The following SNPH variants were observed in gnomAD, a reference collection of about 807,000 sequenced individuals.
SNPH encodes the protein syntaphilin.
A neutral mutation model predicts 36.8 loss-of-function variants in SNPH; 10 were observed. The ratio of observed to expected loss-of-function variants is 0.27; its 90% confidence interval spans 0.17 to 0.46. The LOEUF is 0.46. Among genes scored for constraint, SNPH ranks in the 20% least tolerant of loss-of-function variants. The pLI is 1.00. For synonymous variants in SNPH, 281 were observed against 312.2 expected (o/e 0.90, Z 1.05); for missense variants, 622 against 744.0 (o/e 0.84, Z 1.91).
chr20:1,298,608 G>A (rs549249674), intron 5 of SNPH, among the ~76,000 whole-genome samples: 1 of 152,090 alleles, frequency 6.6e-6, no homozygotes, highest in East Asian at 1.9e-4. Context: ...AACACACCTC[G>A]TAACTGCAGC....
In SNPH at chr20:1,307,870, C is replaced by T. The variant is rs1010867489; in HGVS notation, c.*1816C>T. On this transcript the variant is annotated 3_prime_UTR_variant, in exon 7 of 7. Transcript: ENST00000381867. ...CCTGAGGCCTGGCTGGGGCTGCCCC[C>T]GCAGGACACTGTGGCCATGCCACGG... is the stretch of plus-strand genomic sequence containing the variant. 3.3e-5 allele frequency: 5 copies of T among 152,496 alleles called. No individual in the cohort carries two copies. The highest frequency in any genetic ancestry group is 6.5e-5 in the Admixed American group (1 of 15,284). The allele number at this position is 152,496 out of a possible 1,614,324, so 9.4% of individuals were successfully genotyped here.
chr20:1,277,590 G>A (rs1016888368), intron 2 of SNPH, among the ~76,000 whole-genome samples: 3 of 139,926 alleles, frequency 2.1e-5, no homozygotes, highest in Non-Finnish European at 3.1e-5. Flanking sequence ...GTGTGTGTCA[G>A]TGTCTGTCTC....
chr20:1,305,781 GGAA>G lies in SNPH; in HGVS notation c.1347_1349del (p.Glu453del), dbSNP rs2088567778. On this transcript the variant is annotated inframe_deletion, in exon 7 of 7. Transcript: ENST00000381867. ...AGTCGGTGAGCGTGGTGTGCCCCATGGAAGAGGAGGAGGAGGCTGCCGTGGCTG... is the reference window on the plus strand; with the variant it reads ...AGTCGGTGAGCGTGGTGTGCCCCATGGAGGAGGAGGAGGCTGCCGTGGCTG... 6.2e-7 allele frequency: 1 copy of G among 1,607,684 alleles called. No individual in the cohort carries two copies. The highest frequency in any genetic ancestry group is 1.3e-5 in the African/African-American group (1 of 74,844).
At chr20:1,283,741 G>C (rs879698699) in intron 2 of SNPH, among the ~76,000 whole-genome samples, 9 of 152,322 alleles carry the variant, frequency 5.9e-5, no homozygotes, top group Admixed American at 5.9e-4. Flanking sequence ...GGCACCTTCT[G>C]ATACCTGGAC....
chr20:1,266,551 T>C lies in SNPH; in HGVS notation c.-599-103T>C, dbSNP rs1190597085. The stretch of plus-strand genomic sequence containing the variant: ...CAGGCAGCCTGCCCTCCAAGCCTTC[T>C]GGCTGCAGCGGCCCAGCTGTCAGCG... On this transcript the variant is annotated intron_variant, in intron 1 of 6. Transcript: ENST00000381867. This position sits in a 1 kb window ranked among gnomAD's most constrained non-coding sequence, Gnocchi z 6.0. 7.3e-7 allele frequency: 1 copy of C among 1,372,626 alleles called. No homozygotes were observed. The highest frequency in any genetic ancestry group is 1.5e-5 in the African/African-American group (1 of 64,954). The allele number at this position is 1,372,626 out of a possible 1,614,324, so 85.0% of individuals were successfully genotyped here.
intron 2 of SNPH, among the ~76,000 whole-genome samples, chr20:1,283,770 T>C (rs1272177697): frequency 6.6e-6 from 1 of 152,116 alleles, no homozygotes; most frequent in Non-Finnish European, 1.5e-5. Flanking sequence ...TACAAACACT[T>C]GCTAGGGCCA....
At chr20:1,302,621 A>G (rs1054337327) in intron 6 of SNPH, among the ~76,000 whole-genome samples, 1 of 152,132 alleles carries the variant, frequency 6.6e-6, no homozygotes, top group Non-Finnish European at 1.5e-5. Flanking sequence ...TCCCATTAGC[A>G]ATCACCGCCA....
intron 2 of SNPH, among the ~76,000 whole-genome samples, chr20:1,271,757 C>T (rs1365240164): frequency 6.6e-6 from 1 of 152,148 alleles, no homozygotes; most frequent in East Asian, 1.9e-4. Context: ...GGGAAAGACT[C>T]AGTTCAAAAG....
rs1397643464 is a variant in SNPH at position 1,305,706 on chromosome 20, C to T, written c.1269C>T (p.Ile423=). ...ATGAGCTAGAGGCCCCAGAGCCCAT[C>T]ACCCGTGGACCCACCCCACAGCGGC... ...VGDELEAPEP[I]TRGPTPQRPG... The change falls in exon 7 of 7, where the codon ATC becomes ATT. Residue 423 remains isoleucine (I), a synonymous_variant. Coordinates refer to ENST00000381867, the MANE Select transcript of SNPH (RefSeq NM_001318234.2). 2 of 1,608,780 alleles carry T rather than the reference C, an allele frequency of 1.2e-6. No homozygotes were observed. Among genetic ancestry groups the T allele is most frequent in the East Asian group, 2.2e-5 (1 of 44,828 alleles).
intron 2 of SNPH, among the ~76,000 whole-genome samples, chr20:1,279,760 C>T (rs1472017861): frequency 6.6e-6 from 1 of 152,104 alleles, no homozygotes; most frequent in East Asian, 1.9e-4. Context: ...GCCTAAGTCC[C>T]TTAGATGCCA....
chr20:1,273,239 T>G (rs1045486102), intron 2 of SNPH, among the ~76,000 whole-genome samples: 7 of 151,924 alleles, frequency 4.6e-5, no homozygotes, highest in Admixed American at 2.6e-4. Flanking sequence ...GAGCCTAGAG[T>G]GTTCTTAGAG....
At chr20:1,300,756 C>T in intron 6 of SNPH, 45 bp downstream of exon 6, 5 of 1,567,214 alleles carry the variant, frequency 3.2e-6, no homozygotes, top group Middle Eastern at 2.4e-4. Context: ...CCCACCAGCT[C>T]CACACTCAGG....
Position 1,307,407 on chromosome 20 carries a change from C to T in SNPH, c.*1353C>T, listed in dbSNP as rs2088593297. 6.6e-6 allele frequency: 1 copy of T among 152,274 alleles called. No individual in the cohort carries two copies. Among genetic ancestry groups the T allele is most frequent in the Non-Finnish European group, 1.5e-5 (1 of 68,074 alleles). The allele number at this position is 152,274 out of a possible 1,614,324, so 9.4% of individuals were successfully genotyped here. A position where few individuals can be genotyped will look rare whatever the true frequency, so the allele number is the denominator to read the frequency against. ...TTTCCCGGGACCATACTGAGTCCCCCAGCCACGCTGCTGACATTACCATTA... is the reference window on the plus strand; with the variant it reads ...TTTCCCGGGACCATACTGAGTCCCCTAGCCACGCTGCTGACATTACCATTA... On this transcript the variant is annotated 3_prime_UTR_variant, in exon 7 of 7. Transcript: ENST00000381867.
chr20:1,270,420 T>G (rs147599162), intron 2 of SNPH, among the ~76,000 whole-genome samples: 2,170 of 152,196 alleles, frequency 0.014, 56 homozygotes, highest in African/African-American at 0.05. Flanking sequence ...CAGGAAGGCT[T>G]TAGAGAGATG....
chr20:1,269,668 G>A (rs2088049653), intron 2 of SNPH, among the ~76,000 whole-genome samples: 1 of 152,190 alleles, frequency 6.6e-6, no homozygotes, highest in African/African-American at 2.4e-5. Context: ...GTTGAAAACT[G>A]TGTGAACCAG....
At chr20:1,281,245 T>C (rs1373965310) in intron 2 of SNPH, among the ~76,000 whole-genome samples, 1 of 152,172 alleles carries the variant, frequency 6.6e-6, no homozygotes, top group Non-Finnish European at 1.5e-5. Context: ...CCTCCTCACC[T>C]CCACTCTCAT....
intron 2 of SNPH, among the ~76,000 whole-genome samples, chr20:1,269,872 A>C (rs985581617): frequency 6.6e-6 from 1 of 152,216 alleles, no homozygotes; most frequent in Non-Finnish European, 1.5e-5. Flanking sequence ...TAGGCACTAT[A>C]TATAAATTTA....
chr20:1,291,606 G>A (rs765674804), intron 2 of SNPH, among the ~76,000 whole-genome samples: 8 of 151,616 alleles, frequency 5.3e-5, no homozygotes, highest in African/African-American at 9.7e-5. Flanking sequence ...AATGTTCTGC[G>A]TTCTAGTGTT....
At position 1,304,589 on chromosome 20, in the gene SNPH, C is replaced by T. The variant is rs1263849563; in HGVS notation, c.441-289C>T. ...TTGAATGTTGAGAGTTGTCGGCATT[C>T]TGGGGGTGGTGGGGTGGGGGAGGGA... On this transcript the variant is annotated intron_variant, in intron 6 of 6. Coordinates refer to ENST00000381867, the MANE Select transcript of SNPH (RefSeq NM_001318234.2). The surrounding 1 kb of genome is among the most constrained non-coding windows in gnomAD (Gnocchi z 4.3). Among the ~76,000 whole-genome samples the T allele has an allele frequency of 7.0e-6, 1 of 143,480 alleles. No individual in the cohort carries two copies. Among genetic ancestry groups the T allele is most frequent in the Non-Finnish European group, 1.5e-5 (1 of 65,702 alleles). 94.1% of individuals were successfully genotyped at this position (143,480 alleles called of 152,430 possible). A position where few individuals can be genotyped will look rare whatever the true frequency, so the allele number is the denominator to read the frequency against.
Sources: allele counts gnomAD v4.1 joint callset (sites outside exome capture counted in the v4.1 genomes callset), GRCh38; gene constraint gnomAD v4.1.1; non-coding constraint Gnocchi (gnomAD v3.1); transcripts MANE v1.5; gene names NCBI Gene and HGNC (gene_info 2026-07-23, HGNC 2026-07-21).